Variants in CD160 observed in about 807,000 individuals in gnomAD.
The protein encoded by CD160 is CD160 molecule, also known as CD160 antigen.
Under a neutral mutation model 19.2 loss-of-function variants are expected in CD160, and 11 were observed. The observed-to-expected ratio is 0.57, with a 90% CI of 0.36 to 0.95. The LOEUF (loss-of-function observed/expected upper bound fraction) is 0.95. Ranked by LOEUF, CD160 falls within the 40% of genes least tolerant of loss-of-function variation. The pLI is 0.01. For synonymous variants in CD160, 75 were observed against 81.1 expected (o/e 0.93, Z 0.40); for missense variants, 182 against 213.2 (o/e 0.85, Z 0.91).
intron 1 of CD160, among the ~76,000 whole-genome samples, chr1:145,724,596 G>A (rs1339375834): frequency 6.6e-6 from 1 of 152,158 alleles, no homozygotes; most frequent in African/African-American, 2.4e-5. Context: ...GGGAATTAAT[G>A]TAAGATGTTA....
At chr1:145,735,835 T>C (rs587701043) in intron 4 of CD160, among the ~76,000 whole-genome samples, 162 bp from the exon 5 acceptor site, 1 of 152,296 alleles carries the variant, frequency 6.6e-6, no homozygotes, top group East Asian at 1.9e-4. Context: ...GCTGCCTAAG[T>C]ACATCATCAT....
At chr1:145,725,878 T>G (rs1657033388) in intron 2 of CD160, among the ~76,000 whole-genome samples, 2 of 152,120 alleles carry the variant, frequency 1.3e-5, no homozygotes, top group South Asian at 2.1e-4. Flanking sequence ...ATTATCATTA[T>G]GTACACATAA....
At chr1:145,730,688 G>A in intron 3 of CD160, 56 bp from the exon 4 acceptor site, 1 of 1,445,860 alleles carries the variant, frequency 6.9e-7, no homozygotes, top group African/African-American at 1.4e-5. Context: ...AGCAGTTACG[G>A]TGAAATTCAC....
intron 4 of CD160, among the ~76,000 whole-genome samples, chr1:145,731,973 G>A (rs919374180): frequency 2.6e-5 from 4 of 152,162 alleles, no homozygotes; most frequent in Non-Finnish European, 5.9e-5. Flanking sequence ...AAACTGTGAG[G>A]CAGCAAGGCC....
intron 4 of CD160, among the ~76,000 whole-genome samples, chr1:145,735,388 C>A (rs1329164529): frequency 2.6e-5 from 4 of 152,142 alleles, no homozygotes; most frequent in African/African-American, 9.7e-5. Flanking sequence ...GAGTTCGAGA[C>A]CAGCCTGGGC....
rs928744692 is a variant in CD160, at chr1:145,725,402, G to A, written c.-73+496G>A. Among the ~76,000 whole-genome samples the A allele has an allele frequency of 5.3e-5, 8 of 152,042 alleles. No individual in the cohort carries two copies. In the South Asian group the frequency reaches 6.2e-4, roughly 12 times the overall value. ...GGAAGTTGCAGTAAGCCAAGATCGT[G>A]CCACTGCACTCCAGCCTGGGCGACA... On this transcript the variant is annotated intron_variant, in intron 2 of 5. Coordinates refer to ENST00000369288, the MANE Select transcript of CD160 (RefSeq NM_007053.4).
intron 4 of CD160, among the ~76,000 whole-genome samples, chr1:145,735,101 T>G (rs1657430625): frequency 6.6e-6 from 1 of 152,086 alleles, no homozygotes. Flanking sequence ...AGCCAGACTC[T>G]GTCTCAAAAA....
chr1:145,727,971 AG>A (rs1488413283), intron 2 of CD160, among the ~76,000 whole-genome samples: 3 of 152,222 alleles, frequency 2.0e-5, no homozygotes, highest in African/African-American at 7.2e-5. Flanking sequence ...TGATTATAGT[AG>A]AAAAAAAGTT....
chr1:145,720,470 CCT>C (rs2101358261), intron 1 of CD160, among the ~76,000 whole-genome samples: 1 of 152,302 alleles, frequency 6.6e-6, no homozygotes, highest in Non-Finnish European at 1.5e-5. Context: ...CCAGCCCAAA[CCT>C]CTGTCTACTA....
chr1:145,738,249 G>A (rs587664964), intron 5 of CD160: 37 of 338,528 alleles, frequency 1.1e-4, no homozygotes, highest in Non-Finnish European at 1.6e-4. Context: ...CCAGCAAGGA[G>A]CGATCAAAGG....
chr1:145,728,310 C>G lies in CD160; in HGVS notation c.-18C>G, dbSNP rs587604138. On this transcript the variant is annotated 5_prime_UTR_variant, in exon 3 of 6. Coordinates refer to ENST00000369288, the MANE Select transcript of CD160 (RefSeq NM_007053.4). ...CAACATTTGCTTCAAGTTCCTGGGCCTGCTGACAGCGTGCAGGATGCTGTT... is the reference window on the plus strand; with the variant it reads ...CAACATTTGCTTCAAGTTCCTGGGCGTGCTGACAGCGTGCAGGATGCTGTT... 1.2e-6 allele frequency: 2 copies of G among 1,604,916 alleles called. No homozygotes were observed. Among genetic ancestry groups the G allele is most frequent in the East Asian group, 4.5e-5 (2 of 44,850 alleles).
At chr1:145,734,630 C>T (rs1657412787) in intron 4 of CD160, among the ~76,000 whole-genome samples, 1 of 152,180 alleles carries the variant, frequency 6.6e-6, no homozygotes. Flanking sequence ...AGTCCTTGCT[C>T]CTTATAACCT....
In CD160 at chr1:145,731,871, A is replaced by G. The variant is rs188218576; in HGVS notation, c.400+801A>G. Among the ~76,000 whole-genome samples, 30 of 152,244 alleles carry G rather than the reference A, an allele frequency of 2.0e-4. 1 individual carries two copies. The East Asian group carries it at 5.4e-3, about 27-fold the overall frequency. Reference sequence around the variant, plus strand: ...TCAAAGTACCATAGATTAAAGGAGGAAAAAATAAAAAAGTACAGCTGGCCC... The same window carrying G: ...TCAAAGTACCATAGATTAAAGGAGGGAAAAATAAAAAAGTACAGCTGGCCC... On this transcript the variant is annotated intron_variant, in intron 4 of 5. Transcript: ENST00000369288.
chr1:145,723,171 C>T (rs1214433292), intron 1 of CD160, among the ~76,000 whole-genome samples: 3 of 152,150 alleles, frequency 2.0e-5, no homozygotes, highest in African/African-American at 7.2e-5. Context: ...TGGGGCCATA[C>T]CATGAGCTGC....
chr1:145,736,205 C>G, intron 5 of CD160, 71 bp downstream of exon 5: 2 of 1,607,774 alleles, frequency 1.2e-6, no homozygotes, highest in Non-Finnish European at 1.7e-6. Flanking sequence ...CTTGGTTATT[C>G]TCCAGGAGGA....
At position 145,728,382 on chromosome 1, in the gene CD160, G is replaced by A. The variant is rs782061205; in HGVS notation, c.55G>A (p.Val19Met). 70 of 1,612,668 alleles carry A rather than the reference G, an allele frequency of 4.3e-5. 5 individuals carry two copies. In the Middle Eastern group the frequency reaches 9.9e-3, roughly 228 times the overall value. ...TGCCCTGGCCATCCTGCTGGCAATT[G>A]TGGACATCCAGTCTGGTGGTGAGGA... Reference protein sequence around the residue: ...CCALAILLAIVDIQSGGCINI... With the variant: ...CCALAILLAIMDIQSGGCINI... The change falls in exon 3 of 6, where the codon GTG becomes ATG. Residue 19 changes from valine (V) to methionine (M), a missense_variant. Coordinates refer to ENST00000369288, the MANE Select transcript of CD160 (RefSeq NM_007053.4).
intron 4 of CD160, among the ~76,000 whole-genome samples, chr1:145,732,502 C>G: frequency 6.6e-6 from 1 of 150,426 alleles, no homozygotes; most frequent in East Asian, 2.0e-4. Context: ...AGGGAGACAC[C>G]ATCTCTAGTG....
chr1:145,735,125 A>G (rs1657431316), intron 4 of CD160, among the ~76,000 whole-genome samples: 2 of 152,096 alleles, frequency 1.3e-5, no homozygotes, highest in South Asian at 4.2e-4. Context: ...AAATAATAAA[A>G]TAAAATAAAA....
rs1657268054 is a variant in CD160, at chr1:145,730,972, A to G, written c.302A>G (p.Gln101Arg). ...TCTCAGTTGATGTTCACCATAAGCC[A>G]AGTCACACCGTTGCACAGTGGGACC... ...ISSQLMFTISQVTPLHSGTYQ... is the reference protein window; with the variant it reads ...ISSQLMFTISRVTPLHSGTYQ... Residue 101 changes from glutamine to arginine, a missense_variant, in exon 4 of 6, where the codon CAA (glutamine) becomes CGA (arginine). Physicochemically the swap from Gln to Arg is conservative, Grantham distance 43 (BLOSUM62 1). Coordinates refer to ENST00000369288, the MANE Select transcript of CD160 (RefSeq NM_007053.4). The G allele has an allele frequency of 6.2e-7, 1 of 1,614,206 alleles. No homozygotes were observed. The highest frequency in any genetic ancestry group is 8.5e-7 in the Non-Finnish European group (1 of 1,180,028).
Sources: allele counts gnomAD v4.1 joint callset (sites outside exome capture counted in the v4.1 genomes callset), GRCh38; gene constraint gnomAD v4.1.1; transcripts MANE v1.5; gene names NCBI Gene and HGNC (gene_info 2026-07-23, HGNC 2026-07-21).